The following EYA1 variants were observed in gnomAD, a reference collection of about 807,000 sequenced individuals.
EYA1 encodes the protein protein phosphatase EYA1.
A neutral mutation model predicts 82.0 loss-of-function variants in EYA1; 16 were observed. The observed-to-expected ratio is 0.20, with a 90% CI of 0.13 to 0.30. EYA1 has a LOEUF of 0.30. Among genes scored for constraint, EYA1 ranks in the 10% least tolerant of loss-of-function variants. The pLI, the probability that EYA1 is intolerant of heterozygous loss-of-function variation, is 1.00. For synonymous variants in EYA1, 261 were observed against 264.4 expected (o/e 0.99, Z 0.12); for missense variants, 633 against 730.7 (o/e 0.87, Z 1.54).
chr8:71,248,532 C>A (rs1813375082), intron 11 of EYA1, among the ~76,000 whole-genome samples: 1 of 152,150 alleles, frequency 6.6e-6, no homozygotes, highest in African/African-American at 2.4e-5. Flanking sequence ...CTAGAAAACA[C>A]CTACTCTTTG....
At chr8:71,393,662 A>G (rs1381974152) in intron 2 of EYA1, among the ~76,000 whole-genome samples, 2 of 152,170 alleles carry the variant, frequency 1.3e-5, no homozygotes, top group African/African-American at 4.8e-5. Context: ...TCCATGGTGT[A>G]TATGTGCCAC....
At chr8:71,395,430 G>A (rs1829539295) in intron 2 of EYA1, among the ~76,000 whole-genome samples, 1 of 152,164 alleles carries the variant, frequency 6.6e-6, no homozygotes, top group East Asian at 1.9e-4. Context: ...CTGTGGGTTT[G>A]TCATAGATAG....
At chr8:71,251,091 A>G (rs1048905876) in intron 11 of EYA1, among the ~76,000 whole-genome samples, 1 of 152,224 alleles carries the variant, frequency 6.6e-6, no homozygotes, top group Admixed American at 6.5e-5. Context: ...ATAGCTGCAT[A>G]AGAAGCCTTA....
chr8:71,250,110 C>T lies in EYA1; in HGVS notation c.1051-5418G>A, dbSNP rs888916419. Among the ~76,000 whole-genome samples the T allele has an allele frequency of 5.3e-5, 8 of 151,796 alleles. No homozygotes were observed. The South Asian group carries it at 1.7e-3, about 32-fold the overall frequency. On this transcript the variant is annotated intron_variant, in intron 11 of 17. Coordinates refer to ENST00000340726, the MANE Select transcript of EYA1 (RefSeq NM_000503.6). ...TGGTCTCCTTCACTGGGGTCTATTCCTAGGTTGTCACTATCTTCATTCCAG... is the reference window on the plus strand; with the variant it reads ...TGGTCTCCTTCACTGGGGTCTATTCTTAGGTTGTCACTATCTTCATTCCAG...
rs112767859 is a variant in EYA1, at chr8:71,380,636, C to T, written c.34-24125G>A. On this transcript the variant is annotated intron_variant, in intron 2 of 18. Coordinates refer to the EYA1 transcript ENST00000643681. ...GCCCCTACTGTCTTTCAAAGTTTAACTTAGCATTACCCTAGTAATCTCATA... is the reference window on the plus strand; with the variant it reads ...GCCCCTACTGTCTTTCAAAGTTTAATTTAGCATTACCCTAGTAATCTCATA... Among the ~76,000 whole-genome samples the T allele has an allele frequency of 2.1e-3, 321 of 152,330 alleles. 4 individuals are homozygous for T. Among genetic ancestry groups the T allele is most frequent in the African/African-American group, 7.1e-3 (297 of 41,578 alleles).
intron 7 of EYA1, among the ~76,000 whole-genome samples, chr8:71,316,930 G>T (rs1485029285): frequency 6.6e-6 from 1 of 152,172 alleles, no homozygotes; most frequent in Non-Finnish European, 1.5e-5. Flanking sequence ...GACAATGACA[G>T]CTGTCATTCC....
intron 2 of EYA1, among the ~76,000 whole-genome samples, chr8:71,515,967 T>C (rs1812944600): frequency 6.6e-6 from 1 of 152,206 alleles, no homozygotes; most frequent in Non-Finnish European, 1.5e-5. Context: ...ATTAATAAAC[T>C]AAGTATATCC....
chr8:71,445,922 T>G (rs1806841895), intron 2 of EYA1, among the ~76,000 whole-genome samples: 1 of 152,214 alleles, frequency 6.6e-6, no homozygotes, highest in Non-Finnish European at 1.5e-5. Flanking sequence ...CGTAACCTCC[T>G]TTCTACTCTT....
At chr8:71,278,268 C>T (rs1307859234) in intron 9 of EYA1, among the ~76,000 whole-genome samples, 1 of 152,226 alleles carries the variant, frequency 6.6e-6, no homozygotes, top group Non-Finnish European at 1.5e-5. Context: ...AGATCTCAGG[C>T]AACTCCAACC....
At chr8:71,471,865 C>T (rs1809235843) in intron 2 of EYA1, among the ~76,000 whole-genome samples, 1 of 152,022 alleles carries the variant, frequency 6.6e-6, no homozygotes, top group Non-Finnish European at 1.5e-5. Flanking sequence ...ATCCTGCAAA[C>T]CCCTTTTATA....
chr8:71,536,601 T>A (rs71525128), intron 1 of EYA1, among the ~76,000 whole-genome samples: 20,502 of 152,270 alleles, frequency 0.13, 1,681 homozygotes, highest in Non-Finnish European at 0.19. Context: ...ACTCAAAAGA[T>A]ACTCTCAGGC....
chr8:71,469,153 A>G (rs1455434425), intron 2 of EYA1, among the ~76,000 whole-genome samples: 1 of 139,192 alleles, frequency 7.2e-6, no homozygotes, highest in African/African-American at 2.9e-5. Flanking sequence ...TACATGTTAA[A>G]TACAGACATA....
intron 3 of EYA1, among the ~76,000 whole-genome samples, chr8:71,338,290 C>T (rs1824730790): frequency 6.6e-6 from 1 of 152,206 alleles, no homozygotes; most frequent in East Asian, 1.9e-4. Flanking sequence ...ATGAAGAAAA[C>T]TTATGTTTTG....
chr8:71,249,378 C>T (rs1267806959), intron 11 of EYA1, among the ~76,000 whole-genome samples: 4 of 151,826 alleles, frequency 2.6e-5, no homozygotes, highest in African/African-American at 9.7e-5. Flanking sequence ...AGGAAACCTA[C>T]AATCATGGAG....
intron 2 of EYA1, among the ~76,000 whole-genome samples, chr8:71,513,060 T>G (rs1308362899): frequency 1.3e-5 from 2 of 152,080 alleles, no homozygotes; most frequent in Non-Finnish European, 2.9e-5. Context: ...GGTAAAAAAG[T>G]GAGACTCAAT....
intron 2 of EYA1, among the ~76,000 whole-genome samples, chr8:71,433,962 G>T (rs1055667150): frequency 6.6e-6 from 1 of 152,198 alleles, no homozygotes. Context: ...CTCAATTGAA[G>T]AAAGATAGTG....
chr8:71,365,731 A>AT (rs1402297935), upstream of EYA1, among the ~76,000 whole-genome samples: 3 of 152,116 alleles, frequency 2.0e-5, no homozygotes, highest in East Asian at 5.8e-4. Context: ...CCTTGTTGGC[A>AT]TTCTGAATGG....
intron 3 of EYA1, among the ~76,000 whole-genome samples, chr8:71,351,904 T>C (rs950458041): frequency 5.3e-5 from 8 of 152,280 alleles, no homozygotes; most frequent in South Asian, 2.1e-4. Flanking sequence ...AGACAACCTA[T>C]ATAAATGCAG....
chr8:71,420,837 C>A (rs1398853414), intron 2 of EYA1, among the ~76,000 whole-genome samples: 1 of 152,146 alleles, frequency 6.6e-6, no homozygotes, highest in East Asian at 1.9e-4. Flanking sequence ...TTAAAAGCAT[C>A]ATTTTGTGAG....
Sources: gnomAD v4.1 joint callset for allele counts (sites outside exome capture counted in the v4.1 genomes callset) on GRCh38, gnomAD v4.1.1 for gene constraint, MANE v1.5 for transcripts, NCBI Gene and HGNC (gene_info 2026-07-23, HGNC 2026-07-21) for gene names.